The following MYH3 variants were observed in gnomAD, a reference collection of about 807,000 sequenced individuals.
MYH3 encodes myosin-3.
Under a neutral mutation model 238.0 loss-of-function variants are expected in MYH3, and 130 were observed. The observed-to-expected ratio is 0.55, with a 90% CI of 0.47 to 0.63. The LOEUF is 0.63. Among genes scored for constraint, MYH3 ranks in the 30% least tolerant of loss-of-function variants. MYH3 has a pLI of 0.00. For synonymous variants in MYH3, 880 were observed against 924.1 expected (o/e 0.95, Z 0.86); for missense variants, 1,853 against 2,374.9 (o/e 0.78, Z 4.57).
At position 10,630,335 on chromosome 17, in the gene MYH3, G is replaced by A. The variant is rs147916263; in HGVS notation, c.5410C>T (p.Leu1804=). The change falls in exon 37 of 41, where the codon CTG becomes TTG. Residue 1804 remains leucine (L), a synonymous_variant. Transcript: ENST00000583535. ...TGCTTCTTCCCGCCCTTCAGCGCCA[G>A]CTGCTCGGCCTCATCTAGACGATGC... is the stretch of plus-strand genomic sequence containing the variant. ...LQHRLDEAEQ[L]ALKGGKKQIQ... The A allele has an allele frequency of 1.2e-6, 2 of 1,614,064 alleles. No homozygotes were observed. Among genetic ancestry groups the A allele is most frequent in the Non-Finnish European group, 1.7e-6 (2 of 1,180,048 alleles).
chr17:10,662,946 G>T, the MYH3 span, among the ~76,000 whole-genome samples: 8 of 152,070 alleles, frequency 5.3e-5, no homozygotes, highest in East Asian at 1.5e-3. Context: ...AATTAGCCGG[G>T]TGTGGTGGTG....
Position 10,651,608 on chromosome 17 carries a change from G to T in MYH3, c.409C>A (p.Pro137Thr), listed in dbSNP as rs746104304. ...CCTCGGTAGCCTTCCACCACCTCGG[G>T]GTTGTACACCGGCAGCCACTTGTAG... The part of the protein sequence containing the change: ...NPYKWLPVYN[P>T]EVVEGYRGKK... Residue 137 changes from proline (P) to threonine (T), a missense_variant, in exon 5 of 41, where the codon CCC becomes ACC. Physicochemically the swap from Pro to Thr is conservative, Grantham distance 38. Coordinates refer to ENST00000583535, the MANE Select transcript of MYH3 (RefSeq NM_002470.4). 12 of 1,614,002 alleles carry T rather than the reference G, an allele frequency of 7.4e-6. No individual in the cohort carries two copies. The Admixed American group carries it at 1.0e-4, about 13-fold the overall frequency.
chr17:10,635,495 A>G lies in MYH3; in HGVS notation c.4044T>C (p.Tyr1348=). ...RHDCDLLREQ[Y]EEEQEGKAEL... is the part of the protein sequence containing the mutation. ...CAGCTTTGCCTTCCTGCTCCTCCTC[A>G]TACTGTTCCCGCAGCAGGTCACAGT... is the stretch of plus-strand genomic sequence containing the variant. The change falls in exon 30 of 41, where the codon TAT becomes TAC. Residue 1348 remains tyrosine, a synonymous_variant. Coordinates refer to ENST00000583535, the MANE Select transcript of MYH3 (RefSeq NM_002470.4). The G allele has an allele frequency of 6.2e-7, 1 of 1,614,146 alleles. No individual in the cohort carries two copies. Among genetic ancestry groups the G allele is most frequent in the African/African-American group, 1.3e-5 (1 of 75,048 alleles).
At chr17:10,651,068 G>A (rs12946585) in intron 5 of MYH3, among the ~76,000 whole-genome samples, 66,947 of 151,200 alleles carry the variant, frequency 0.44, 17,377 homozygotes, top group Non-Finnish European at 0.59. Context: ...ACCTGTAGTC[G>A]CAGCTACTCG....
chr17:10,629,793 C>G (rs138477550), intron 39 of MYH3, 49 bp downstream of exon 39: 2 of 1,613,972 alleles, frequency 1.2e-6, no homozygotes, highest in Non-Finnish European at 1.7e-6. Flanking sequence ...GAACTCACCA[C>G]GGGAAACAGC....
Position 10,647,171 on chromosome 17 carries a change from G to A in MYH3, c.898+11C>T. ...TACCTAAAAGACCAGCCCCACTGGTGACTTCCTCACCTATGAGCTCAGGCT... is the reference window on the plus strand; with the variant it reads ...TACCTAAAAGACCAGCCCCACTGGTAACTTCCTCACCTATGAGCTCAGGCT... On this transcript the variant is annotated intron_variant, in intron 10 of 40. Transcript: ENST00000583535. 1 of 1,606,852 alleles carries A rather than the reference G, an allele frequency of 6.2e-7. No individual in the cohort carries two copies. Among genetic ancestry groups the A allele is most frequent in the Non-Finnish European group, 8.5e-7 (1 of 1,173,428 alleles).
chr17:10,674,333 G>A, the MYH3 span: 1 of 174,346 alleles, frequency 5.7e-6, no homozygotes. Flanking sequence ...GGCTGAGGCA[G>A]CAGAATCACT....
chr17:10,631,522 TGG>T, intron 36 of MYH3, 87 bp downstream of exon 36: 1 of 1,590,488 alleles, frequency 6.3e-7, no homozygotes, highest in Non-Finnish European at 8.6e-7. Context: ...CAGGTGTGGC[TGG>T]GGGAGACCGC....
intron 14 of MYH3, 91 bp from the exon 15 acceptor site, chr17:10,643,087 G>A: frequency 1.9e-6 from 3 of 1,604,148 alleles, no homozygotes; most frequent in Non-Finnish European, 2.6e-6. Flanking sequence ...CCAGGTTCCT[G>A]TCAAACACAT....
intron 28 of MYH3, among the ~76,000 whole-genome samples, chr17:10,636,108 A>G (rs532658737): frequency 6.6e-6 from 1 of 151,968 alleles, no homozygotes; most frequent in Non-Finnish European, 1.5e-5. Context: ...GCAGATCACA[A>G]GGTCAGGAGT....
chr17:10,676,326 G>A, the MYH3 span: 2 of 152,150 alleles, frequency 1.3e-5, no homozygotes. Flanking sequence ...CTCAACCTCA[G>A]GTGATCCACC....
At chr17:10,643,990 T>C (rs1034219177) in intron 14 of MYH3, among the ~76,000 whole-genome samples, 11 of 151,800 alleles carry the variant, frequency 7.2e-5, no homozygotes, top group African/African-American at 2.7e-4. Flanking sequence ...TGAAACCCCA[T>C]CTCTACTAAA....
chr17:10,630,992 G>C (rs989145692), intron 36 of MYH3, among the ~76,000 whole-genome samples: 6 of 152,198 alleles, frequency 3.9e-5, no homozygotes, highest in Non-Finnish European at 8.8e-5. Flanking sequence ...GAACTTTAGC[G>C]ACAGGCTGGG....
In MYH3 at chr17:10,640,561, A is replaced by G; in HGVS notation, c.2289+2T>C. The G allele has an allele frequency of 6.2e-7, 1 of 1,614,254 alleles. No individual in the cohort carries two copies. The highest frequency in any genetic ancestry group is 8.5e-7 in the Non-Finnish European group (1 of 1,180,036). On this transcript the variant is annotated splice_donor_variant, in intron 20 of 40. Coordinates refer to ENST00000583535, the MANE Select transcript of MYH3 (RefSeq NM_002470.4). LOFTEE classifies it high-confidence loss of function. ...CAGCATCTGTCAGAACTGATGCATT[A>G]CCTTGGTATGTCCAAATTTGTACTG... is the stretch of plus-strand genomic sequence containing the variant.
At chr17:10,640,739 T>G in intron 19 of MYH3, 53 bp from the exon 20 acceptor site, 1 of 1,596,330 alleles carries the variant, frequency 6.3e-7, no homozygotes, top group Non-Finnish European at 8.6e-7. Flanking sequence ...ACACAAACCT[T>G]GGAGAACATG....
chr17:10,647,054 T>C, intron 10 of MYH3, 128 bp downstream of exon 10: 1 of 770,082 alleles, frequency 1.3e-6, no homozygotes, highest in Non-Finnish European at 2.2e-6. Context: ...TATCTCAAAA[T>C]AAATAAATAA....
Position 10,632,562 on chromosome 17 carries a change from T to C in MYH3, c.4870A>G (p.Asn1624Asp), listed in dbSNP as rs1597481937. Reference sequence around the variant, plus strand: ...TGGCTCAGCTGGATCTCGATTTCATTCAGGTCCCCCTCCATCTTCTTCTTG... The same window carrying C: ...TGGCTCAGCTGGATCTCGATTTCATCCAGGTCCCCCTCCATCTTCTTCTTG... ...RLKKKMEGDL[N>D]EIEIQLSHAN... Residue 1624 changes from asparagine to aspartate, a missense_variant, in exon 34 of 41, where the codon AAT becomes GAT. Asn to Asp is a conservative substitution (Grantham distance 23). Transcript: ENST00000583535. 1 of 1,614,188 alleles carries C rather than the reference T, an allele frequency of 6.2e-7. No individual in the cohort carries two copies. The highest frequency in any genetic ancestry group is 2.2e-5 in the East Asian group (1 of 44,858).
At chr17:10,656,296 C>CGGAA (rs573489649) in intron 1 of MYH3, 148 bp from the exon 2 acceptor site, 44 of 152,342 alleles carry the variant, frequency 2.9e-4, no homozygotes, top group African/African-American at 1.0e-3. Flanking sequence ...GAAGCCGAGG[C>CGGAA]GGAAAGATGG....
Position 10,634,043 on chromosome 17 carries a change from A to G in MYH3, c.4496T>C (p.Val1499Ala), listed in dbSNP as rs780497482. The change falls in exon 32 of 41, where the codon GTG becomes GCG. Residue 1499 changes from valine to alanine, a missense_variant. Physicochemically the swap from Val to Ala is moderately conservative, Grantham distance 64 (BLOSUM62 0). Transcript: ENST00000583535. ...YEEALDQLET[V>A]KRENKNLEQE... ...CTCTAAGTTCTTATTTTCCCGTTTC[A>G]CAGTTTCAAGTTGATCTAAGGCTTC... 15 of 1,614,042 alleles carry G rather than the reference A, an allele frequency of 9.3e-6. No individual in the cohort carries two copies. Among genetic ancestry groups the G allele is most frequent in the Non-Finnish European group, 1.3e-5 (15 of 1,180,048 alleles).
Sources: allele counts gnomAD v4.1 joint callset (sites outside exome capture counted in the v4.1 genomes callset), GRCh38; gene constraint gnomAD v4.1.1; transcripts MANE v1.5; gene names NCBI Gene and HGNC (gene_info 2026-07-23, HGNC 2026-07-21).